Variants in NRXN1 observed in about 807,000 individuals in gnomAD.
NRXN1 encodes neurexin-1.
NRXN1 carries 39 observed loss-of-function variants against 150.9 expected under a neutral mutation model. The observed-to-expected ratio is 0.26, with a 90% CI of 0.20 to 0.34. The LOEUF (loss-of-function observed/expected upper bound fraction) is 0.34, where lower values mean the gene tolerates loss of function less well. Ranked by LOEUF, NRXN1 falls within the 10% of genes least tolerant of loss-of-function variation. NRXN1 has a pLI of 1.00. For missense variants in NRXN1, 1,815 were observed against 1,949.9 expected (o/e 0.93, Z 1.30); for synonymous variants, 924 against 757.0 (o/e 1.22, Z -3.62).
intron 22 of NRXN1, among the ~76,000 whole-genome samples, chr2:49,939,855 G>A (rs965876525): frequency 1.1e-4 from 17 of 152,232 alleles, no homozygotes; most frequent in Non-Finnish European, 2.2e-4. Flanking sequence ...AGAGCAGTAG[G>A]TATATAGTGA....
intron 2 of NRXN1, among the ~76,000 whole-genome samples, chr2:50,927,079 T>G (rs1687013661): frequency 6.6e-6 from 1 of 151,976 alleles, no homozygotes; most frequent in Non-Finnish European, 1.5e-5. Flanking sequence ...CATTCTAGTC[T>G]CATCCTTATT....
chr2:50,819,238 C>A (rs1012606922), intron 5 of NRXN1, among the ~76,000 whole-genome samples: 4 of 152,116 alleles, frequency 2.6e-5, no homozygotes, highest in African/African-American at 9.7e-5. Context: ...CTTCTGTGTT[C>A]GTTGCAGCAT....
intron 5 of NRXN1, among the ~76,000 whole-genome samples, chr2:50,692,090 C>A (rs1308701231): frequency 2.6e-5 from 4 of 151,900 alleles, no homozygotes; most frequent in African/African-American, 9.7e-5. Flanking sequence ...AGATCCGATT[C>A]TATCTAATCC....
chr2:50,452,627 C>T (rs990408194), intron 17 of NRXN1, among the ~76,000 whole-genome samples: 1 of 152,072 alleles, frequency 6.6e-6, no homozygotes, highest in Non-Finnish European at 1.5e-5. Flanking sequence ...AAACTGGAAT[C>T]AATTTGTTTA....
intron 17 of NRXN1, among the ~76,000 whole-genome samples, chr2:50,385,744 C>T (rs149585864): frequency 2.0e-5 from 3 of 152,166 alleles, no homozygotes; most frequent in African/African-American, 4.8e-5. Context: ...CATGTATTTC[C>T]CATACTGGTC....
intron 5 of NRXN1, among the ~76,000 whole-genome samples, chr2:50,883,289 T>C (rs562309693): frequency 3.1e-4 from 47 of 152,002 alleles, no homozygotes; most frequent in African/African-American, 1.1e-3. Context: ...ATTTTCTCTT[T>C]GAACATAATA....
intron 17 of NRXN1, among the ~76,000 whole-genome samples, chr2:50,405,930 C>T (rs1335995223): frequency 6.6e-6 from 1 of 152,064 alleles, no homozygotes; most frequent in Non-Finnish European, 1.5e-5. Flanking sequence ...CAAAACTCTG[C>T]AACGCTAGAT....
chr2:50,548,541 A>AT (rs869061345), intron 9 of NRXN1, among the ~76,000 whole-genome samples: 54 of 150,390 alleles, frequency 3.6e-4, no homozygotes, highest in African/African-American at 9.5e-4. Context: ...ATTTTATTTT[A>AT]TTTTTTTTTA....
chr2:49,925,090 G>T (rs1301531125), intron 22 of NRXN1, among the ~76,000 whole-genome samples: 1 of 151,984 alleles, frequency 6.6e-6, no homozygotes, highest in Non-Finnish European at 1.5e-5. Context: ...AAGAGATGCA[G>T]ACCATTTTGG....
chr2:50,673,439 A>T (rs1338209233), intron 5 of NRXN1, among the ~76,000 whole-genome samples: 1 of 152,084 alleles, frequency 6.6e-6, no homozygotes, highest in Non-Finnish European at 1.5e-5. Context: ...AAATTGCTTA[A>T]TTTTTTCCTT....
intron 5 of NRXN1, among the ~76,000 whole-genome samples, chr2:50,867,646 A>G (rs1049899305): frequency 2.6e-5 from 4 of 151,736 alleles, no homozygotes; most frequent in African/African-American, 9.7e-5. Flanking sequence ...GGTAATTGCA[A>G]TGTAAAGCTA....
chr2:50,034,332 G>C (rs550660675), intron 21 of NRXN1, among the ~76,000 whole-genome samples: 1 of 152,200 alleles, frequency 6.6e-6, no homozygotes, highest in African/African-American at 2.4e-5. Context: ...ATGAGATCAT[G>C]TCCTCTGCAG....
intron 5 of NRXN1, chr2:50,829,684 C>T (rs72838704): frequency 0.037 from 59,265 of 1,609,600 alleles, 2,283 homozygotes; most frequent in East Asian, 0.22. Context: ...CACAGCGGAG[C>T]GCCGCGCCAG....
intron 19 of NRXN1, among the ~76,000 whole-genome samples, chr2:50,073,908 A>G (rs74926138): frequency 0.014 from 2,103 of 152,302 alleles, 51 homozygotes; most frequent in African/African-American, 0.048. Context: ...TTTTATAGCA[A>G]CTTGGTACTT....
At chr2:50,945,353 A>G (rs529219096) in intron 2 of NRXN1, among the ~76,000 whole-genome samples, 1 of 152,220 alleles carries the variant, frequency 6.6e-6, no homozygotes, top group South Asian at 2.1e-4. Flanking sequence ...GATCTCAGCT[A>G]CTGAAGAGGC....
chr2:50,980,968 GTTC>G (rs1422045828), intron 2 of NRXN1, among the ~76,000 whole-genome samples: 1 of 152,018 alleles, frequency 6.6e-6, no homozygotes, highest in Non-Finnish European at 1.5e-5. Context: ...ACACTTGTTA[GTTC>G]TTCTAGGCAC....
chr2:50,032,905 A>G (rs968343373), intron 21 of NRXN1, among the ~76,000 whole-genome samples: 1 of 151,664 alleles, frequency 6.6e-6, no homozygotes, highest in Non-Finnish European at 1.5e-5. Flanking sequence ...TAAGCTACTC[A>G]GTCTGCAGTG....
intron 18 of NRXN1, among the ~76,000 whole-genome samples, chr2:50,180,765 CTACCTGGTTTTAGGTATTCTGTTA>C (rs1320415787): frequency 6.6e-6 from 1 of 152,136 alleles, no homozygotes; most frequent in Non-Finnish European, 1.5e-5. Flanking sequence ...TCTTTATAAA[CTACCTGGTTTTAGGTATTCTGTTA>C]TAGCAGCAAA....
intron 11 of NRXN1, chr2:50,528,891 T>C: frequency 2.3e-6 from 1 of 432,822 alleles, no homozygotes; most frequent in Non-Finnish European, 4.1e-6. Flanking sequence ...TGGTGACAAA[T>C]CTAAGTGAAG....
Sources: gnomAD v4.1 joint callset for allele counts (sites outside exome capture counted in the v4.1 genomes callset) on GRCh38, gnomAD v4.1.1 for gene constraint, MANE v1.5 for transcripts, NCBI Gene and HGNC (gene_info 2026-07-23, HGNC 2026-07-21) for gene names.